Variants in XPO1 observed in about 807,000 individuals in gnomAD.
The protein encoded by XPO1 is exportin 1.
A neutral mutation model predicts 133.3 loss-of-function variants in XPO1; 5 were observed. The observed-to-expected ratio is 0.04, with a 90% CI of 0.02 to 0.08. The LOEUF (loss-of-function observed/expected upper bound fraction) is 0.08. Among genes scored for constraint, XPO1 ranks in the 10% least tolerant of loss-of-function variants. XPO1 has a pLI of 1.00. For synonymous variants in XPO1, 419 were observed against 408.2 expected (o/e 1.03, Z -0.32); for missense variants, 506 against 1,267.5 (o/e 0.40, Z 9.12).
At chr2:61,488,858 C>CT (rs1172936685) in intron 17 of XPO1, 87 bp from the exon 18 acceptor site, 5 of 1,436,946 alleles carry the variant, frequency 3.5e-6, no homozygotes, top group African/African-American at 1.4e-5. Context: ...TCCCAGCACT[C>CT]TGAGAGGCCG....
chr2:61,533,868 G>T lies in XPO1; in HGVS notation c.30C>A (p.Asp10Glu), dbSNP rs1364620846. 2.5e-6 allele frequency: 4 copies of T among 1,602,494 alleles called. No homozygotes were observed. The African/African-American group carries it at 5.4e-5, about 22-fold the overall frequency. MPAIMTMLA[D>E]HAARQLLDFS... is the part of the protein sequence containing the mutation. ...AATCAAGCAGCTGACGAGCTGCATGGTCTGCTAACATTGTCATAATTGCTG... is the reference window on the plus strand; with the variant it reads ...AATCAAGCAGCTGACGAGCTGCATGTTCTGCTAACATTGTCATAATTGCTG... Residue 10 changes from aspartate (D) to glutamate (E), a missense_variant, in exon 2 of 25, where the codon GAC becomes GAA. Asp to Glu is a conservative substitution (Grantham distance 45). Transcript: ENST00000401558.
At chr2:61,494,313 T>A (rs940702847) in intron 11 of XPO1, 2 of 439,210 alleles carry the variant, frequency 4.6e-6, no homozygotes, top group Non-Finnish European at 8.2e-6. Flanking sequence ...TTGATCAATA[T>A]GTATTTTTAT....
chr2:61,513,283 G>A (rs1698185053), intron 4 of XPO1, among the ~76,000 whole-genome samples: 1 of 151,846 alleles, frequency 6.6e-6, no homozygotes, highest in African/African-American at 2.4e-5. Context: ...ACAATTGTGA[G>A]CTACTGTGCC....
chr2:61,528,059 T>C (rs1334828106), intron 2 of XPO1, among the ~76,000 whole-genome samples: 1 of 151,856 alleles, frequency 6.6e-6, no homozygotes, highest in African/African-American at 2.4e-5. Context: ...CCCAAGTAGC[T>C]GGGACTACAG....
chr2:61,492,678 A>G lies in XPO1; in HGVS notation c.1455T>C (p.Asn485=). ...IMTEKLHNQV[N]GTEWSWKNLN... is the part of the protein sequence containing the mutation. The stretch of plus-strand genomic sequence containing the variant: ...AATTTTTCCATGACCACTCTGTACC[A>G]TTCACTTGATTGTGAAGCTTCTCTG... Residue 485 remains asparagine (N), a synonymous_variant, in exon 14 of 25, where the codon AAT becomes AAC. Transcript: ENST00000401558. The surrounding 1 kb of genome is among the most constrained non-coding windows in gnomAD (Gnocchi z 5.6). 3.7e-6 allele frequency: 6 copies of G among 1,613,924 alleles called. No individual in the cohort carries two copies. Among genetic ancestry groups the G allele is most frequent in the Non-Finnish European group, 5.1e-6 (6 of 1,179,966 alleles).
chr2:61,498,603 G>T, intron 9 of XPO1, 70 bp downstream of exon 9: 1 of 1,575,940 alleles, frequency 6.3e-7, no homozygotes, highest in Non-Finnish European at 8.6e-7. Flanking sequence ...ATGCAGAGAT[G>T]AGAGCTTTAC....
Position 61,488,691 on chromosome 2 carries a change from A to C in XPO1, c.2103T>G (p.Ala701=), listed in dbSNP as rs1478280222. 1.9e-6 allele frequency: 3 copies of C among 1,614,106 alleles called. No individual in the cohort carries two copies. The African/African-American group carries it at 4.0e-5, about 22-fold the overall frequency. ...ILKTNVRACK[A]VGHPFVIQLG... ...GCTGAATTACAAAGGGGTGTCCAACAGCTTTGCAGGCTCTCACATTTGTTT... is the reference window on the plus strand; with the variant it reads ...GCTGAATTACAAAGGGGTGTCCAACCGCTTTGCAGGCTCTCACATTTGTTT... Residue 701 remains alanine, a synonymous_variant, in exon 18 of 25, where the codon GCT becomes GCG. Coordinates refer to ENST00000401558, the MANE Select transcript of XPO1 (RefSeq NM_003400.4).
chr2:61,526,706 A>ATT (rs34463563), intron 2 of XPO1, among the ~76,000 whole-genome samples, 185 bp from the exon 3 acceptor site: 9 of 134,954 alleles, frequency 6.7e-5, no homozygotes, highest in African/African-American at 1.6e-4. Context: ...ATGACTCCCA[A>ATT]TTTTTTTTTT....
intron 1 of XPO1, among the ~76,000 whole-genome samples, chr2:61,535,672 T>C (rs902973641): frequency 3.9e-5 from 6 of 152,190 alleles, no homozygotes; most frequent in African/African-American, 1.2e-4. Flanking sequence ...AAAAATAATG[T>C]AAAACTCAAG....
chr2:61,502,615 T>A (rs1044717408), intron 4 of XPO1: 1 of 229,394 alleles, frequency 4.4e-6, no homozygotes, highest in African/African-American at 2.3e-5. Context: ...TAACTGGGCG[T>A]GGTGGCGGGT....
intron 3 of XPO1, chr2:61,525,925 C>T: frequency 9.5e-7 from 1 of 1,050,944 alleles, no homozygotes; most frequent in Non-Finnish European, 1.1e-6. Context: ...TTTTGATCAA[C>T]CCTTCTGTTC....
At chr2:61,481,009 T>C (rs1181515339) in intron 24 of XPO1, among the ~76,000 whole-genome samples, 176 bp downstream of exon 24, 2 of 152,234 alleles carry the variant, frequency 1.3e-5, no homozygotes, top group Non-Finnish European at 2.9e-5. Flanking sequence ...TATTGGACTT[T>C]AGTTTTTCAC....
At chr2:61,512,759 G>A (rs1194297880) in intron 4 of XPO1, among the ~76,000 whole-genome samples, 2 of 152,152 alleles carry the variant, frequency 1.3e-5, no homozygotes, top group African/African-American at 4.8e-5. Flanking sequence ...ACAAAGTTGG[G>A]GAGCTGGGTG....
chr2:61,491,088 G>T (rs1290375857), intron 16 of XPO1, among the ~76,000 whole-genome samples: 1 of 152,070 alleles, frequency 6.6e-6, no homozygotes, highest in Non-Finnish European at 1.5e-5. Context: ...GGCAGAGGTT[G>T]CAGTGAGCCG....
At chr2:61,515,740 A>G (rs1337773498) in intron 4 of XPO1, among the ~76,000 whole-genome samples, 2 of 152,056 alleles carry the variant, frequency 1.3e-5, no homozygotes, top group Non-Finnish European at 2.9e-5. Context: ...TCTGCCAACT[A>G]AAGACATGAA....
chr2:61,501,268 TATG>T (rs904607069), intron 6 of XPO1, among the ~76,000 whole-genome samples: 22 of 152,180 alleles, frequency 1.4e-4, no homozygotes, highest in African/African-American at 5.3e-4. Context: ...GAAAAAATTT[TATG>T]ATATTACTAT....
rs764767219 is a variant in XPO1, at chr2:61,499,898, A to C, written c.409-4T>G. On this transcript the variant is annotated splice_region_variant and splice_polypyrimidine_tract_variant and intron_variant, in intron 6 of 24. Coordinates refer to ENST00000401558, the MANE Select transcript of XPO1 (RefSeq NM_003400.4). The stretch of plus-strand genomic sequence containing the variant: ...TGGGCCATTCTTGTTTCAGTATCTA[A>C]AACAAGACATGAAATGTTAATCGCA... 3.1e-6 allele frequency: 5 copies of C among 1,600,782 alleles called. No homozygotes were observed. The highest frequency in any genetic ancestry group is 4.2e-6 in the Non-Finnish European group (5 of 1,177,138).
intron 2 of XPO1, among the ~76,000 whole-genome samples, chr2:61,528,733 T>TTTTA (rs1699021114): frequency 7.8e-5 from 9 of 115,828 alleles, no homozygotes; most frequent in South Asian, 2.7e-4. Context: ...GACATTTTAT[T>TTTTA]TATATATATA....
rs980188968 is a variant in XPO1 at position 61,478,491 on chromosome 2, A to G, written c.*329T>C. The G allele has an allele frequency of 4.3e-5, 12 of 277,206 alleles. No homozygotes were observed. The highest frequency in any genetic ancestry group is 2.3e-4 in the South Asian group (2 of 8,870). 17.2% of individuals were successfully genotyped at this position (277,206 alleles called of 1,614,324 possible). ...TGGTATTGTTTACAGGAAAAATTGT[A>G]TAATTTTGCATTAGAATTACAAGTA... On this transcript the variant is annotated 3_prime_UTR_variant, in exon 25 of 25. Coordinates refer to ENST00000401558, the MANE Select transcript of XPO1 (RefSeq NM_003400.4).
Sources: gnomAD v4.1 joint callset for allele counts (sites outside exome capture counted in the v4.1 genomes callset) on GRCh38, gnomAD v4.1.1 for gene constraint, Gnocchi (gnomAD v3.1) non-coding constraint, MANE v1.5 for transcripts, NCBI Gene and HGNC (gene_info 2026-07-23, HGNC 2026-07-21) for gene names.